The following GPALPP1 variants were observed in gnomAD, a reference collection of about 807,000 sequenced individuals.
GPALPP1 encodes GPALPP motifs-containing protein 1.
A neutral mutation model predicts 38.9 loss-of-function variants in GPALPP1; 30 were observed. The observed-to-expected ratio is 0.77, with a 90% CI of 0.58 to 1.05. The LOEUF (loss-of-function observed/expected upper bound fraction) is 1.05. Among genes scored for constraint, GPALPP1 ranks in the 50% least tolerant of loss-of-function variants. GPALPP1 has a pLI of 0.00. For synonymous variants in GPALPP1, 120 were observed against 139.2 expected, an observed-to-expected ratio of 0.86 and a Z score of 0.97; for missense variants, 384 against 408.8, an observed-to-expected ratio of 0.94 and a Z score of 0.52.
intron 7 of GPALPP1, among the ~76,000 whole-genome samples, chr13:45,026,653 CA>C: frequency 2.0e-5 from 3 of 152,078 alleles, no homozygotes; most frequent in African/African-American, 7.2e-5. Flanking sequence ...GGTTGTTAAG[CA>C]AAAATTGTCT....
At position 45,028,167 on chromosome 13, in the gene GPALPP1, G is replaced by A; in HGVS notation, c.*164G>A. On this transcript the variant is annotated 3_prime_UTR_variant, in exon 8 of 8. Transcript: ENST00000379151. Reference sequence around the variant, plus strand: ...GTGATTTTTGAAAAGTCAGCCTTGTGGGATGAAAAATATGTCTTACTGGAA... The same window carrying A: ...GTGATTTTTGAAAAGTCAGCCTTGTAGGATGAAAAATATGTCTTACTGGAA... 1 of 394,212 alleles carries A rather than the reference G, an allele frequency of 2.5e-6. No individual in the cohort carries two copies. 24.4% of individuals were successfully genotyped at this position (394,212 alleles called of 1,614,324 possible).
At chr13:45,030,400 G>A (rs1876136531), downstream of GPALPP1, 1 of 152,046 alleles carries the variant, frequency 6.6e-6, no homozygotes, top group Non-Finnish European at 1.5e-5. Flanking sequence ...TTTTTTGAGA[G>A]ATGGAGTCTT....
intron 4 of GPALPP1, 91 bp downstream of exon 4, chr13:45,008,970 A>G: frequency 2.6e-6 from 2 of 755,902 alleles, no homozygotes; most frequent in Non-Finnish European, 4.8e-6. Flanking sequence ...TTATGCATGC[A>G]GTTACTACAA....
In GPALPP1 at chr13:45,026,060, G is replaced by A. The variant is rs555347057; in HGVS notation, c.805-1725G>A. ...GCTGGGATTACAGGCGTGAGCCACT[G>A]CGCCCAGCCTTGATTACCTATTTTT... On this transcript the variant is annotated intron_variant, in intron 7 of 7. Transcript: ENST00000379151. 5.9e-5 allele frequency among the ~76,000 whole-genome samples: 9 copies of A among 152,230 alleles called. No individual in the cohort carries two copies. In the South Asian group the frequency reaches 1.5e-3, roughly 25 times the overall value.
chr13:45,037,281 AAAC>A (rs1363432705), exon 8 of GPALPP1: 1 of 152,238 alleles, frequency 6.6e-6, no homozygotes, highest in Non-Finnish European at 1.5e-5. Flanking sequence ...ACTAGGTACA[AAAC>A]AACAAATGAA....
At chr13:45,004,603 T>A (rs994748696) in intron 2 of GPALPP1, among the ~76,000 whole-genome samples, 166 bp downstream of exon 2, 27 of 152,196 alleles carry the variant, frequency 1.8e-4, no homozygotes, top group African/African-American at 6.3e-4. Context: ...CAAAGAAATT[T>A]ATTCTAGTAG....
At chr13:45,015,680 G>A (rs1304584681) in intron 6 of GPALPP1, 84 bp downstream of exon 6, 7 of 939,272 alleles carry the variant, frequency 7.5e-6, no homozygotes, top group African/African-American at 6.8e-5. Flanking sequence ...TTATTTAAGG[G>A]TACTATTTTT....
intron 4 of GPALPP1, among the ~76,000 whole-genome samples, chr13:45,010,581 A>C (rs1874400149): frequency 6.6e-6 from 1 of 152,210 alleles, no homozygotes; most frequent in African/African-American, 2.4e-5. Flanking sequence ...CATCACACTT[A>C]CAAGGTAGTG....
intron 1 of GPALPP1, among the ~76,000 whole-genome samples, chr13:45,004,005 G>T (rs1358036708): frequency 2.0e-5 from 3 of 151,280 alleles, no homozygotes; most frequent in Non-Finnish European, 4.4e-5. Context: ...TGCAAAAACT[G>T]CACATTATCA....
chr13:45,030,797 A>G (rs958807888), downstream of GPALPP1: 1 of 152,184 alleles, frequency 6.6e-6, no homozygotes, highest in Non-Finnish European at 1.5e-5. Context: ...TAATAATAGC[A>G]GTACAGTATA....
At chr13:45,005,983 G>A (rs180854104) in intron 2 of GPALPP1, among the ~76,000 whole-genome samples, 8 of 151,446 alleles carry the variant, frequency 5.3e-5, no homozygotes, top group Non-Finnish European at 1.0e-4. Context: ...CCAACATCAC[G>A]CCACTGCACT....
intron 1 of GPALPP1, among the ~76,000 whole-genome samples, chr13:44,993,187 T>C (rs1872961829): frequency 6.6e-6 from 1 of 152,246 alleles, no homozygotes; most frequent in Admixed American, 6.5e-5. Flanking sequence ...ATTTTGTTTA[T>C]TCATCTGTTG....
At chr13:45,036,581 GTT>G (rs972582526) in exon 8 of GPALPP1, 2 of 152,184 alleles carry the variant, frequency 1.3e-5, no homozygotes, top group African/African-American at 4.8e-5. Flanking sequence ...AAGCAACTGA[GTT>G]TACTTTTAGA....
chr13:45,014,528 T>A (rs1031626925), intron 4 of GPALPP1, among the ~76,000 whole-genome samples: 1 of 152,252 alleles, frequency 6.6e-6, no homozygotes, highest in African/African-American at 2.4e-5. Flanking sequence ...TTTTACAGTT[T>A]TGTTACAAGG....
intron 4 of GPALPP1, among the ~76,000 whole-genome samples, chr13:45,013,483 G>A (rs569108289): frequency 3.0e-4 from 45 of 152,316 alleles, no homozygotes; most frequent in African/African-American, 1.0e-3. Flanking sequence ...CCAGTCAGCT[G>A]AGCAAGAAGA....
rs1194465234 is a variant in GPALPP1, at chr13:45,027,835, G to A, written c.855G>A (p.Lys285=). 2 of 1,604,034 alleles carry A rather than the reference G, an allele frequency of 1.2e-6. No homozygotes were observed. The highest frequency in any genetic ancestry group is 1.7e-6 in the Non-Finnish European group (2 of 1,171,122). ...TGGACATACATCATAAAAAGTTAAA[G>A]AGTAAGGCTGCTGAAGACAAAAATA... ...SLMDIHHKKL[K]SKAAEDKNKP... is the part of the protein sequence containing the mutation. Residue 285 remains lysine (K), a synonymous_variant, in exon 8 of 8, where the codon AAG becomes AAA. Transcript: ENST00000379151.
chr13:45,015,395 T>C (rs370761166), intron 5 of GPALPP1, 37 bp from the exon 6 acceptor site: 9 of 1,357,300 alleles, frequency 6.6e-6, no homozygotes, highest in Non-Finnish European at 7.1e-6. Context: ...ATACACGATA[T>C]GTACTTTCTA....
chr13:45,012,642 T>C (rs1874563545), intron 4 of GPALPP1, among the ~76,000 whole-genome samples: 1 of 152,180 alleles, frequency 6.6e-6, no homozygotes, highest in South Asian at 2.1e-4. Context: ...ACATTCTACA[T>C]TCCCTGGCTT....
intron 4 of GPALPP1, among the ~76,000 whole-genome samples, chr13:45,013,247 T>A (rs949709918): frequency 6.6e-5 from 10 of 152,284 alleles, no homozygotes; most frequent in Non-Finnish European, 2.9e-5. Flanking sequence ...TCTGCCTTCA[T>A]CATACCAAGC....
Sources: allele counts gnomAD v4.1 joint callset (sites outside exome capture counted in the v4.1 genomes callset), GRCh38; gene constraint gnomAD v4.1.1; transcripts MANE v1.5; gene names NCBI Gene and HGNC (gene_info 2026-07-23, HGNC 2026-07-21).